Variants in IL1RAPL1 observed in about 807,000 individuals in gnomAD.
IL1RAPL1 encodes interleukin 1 receptor accessory protein like 1, also known as interleukin-1 receptor accessory protein-like 1.
IL1RAPL1 carries 3 observed loss-of-function variants against 48.4 expected under a neutral mutation model. The observed-to-expected ratio is 0.06, with a 90% CI of 0.03 to 0.16. The LOEUF (loss-of-function observed/expected upper bound fraction) is 0.16. Among genes scored for constraint, IL1RAPL1 ranks in the 10% least tolerant of loss-of-function variants. The pLI is 1.00. For missense variants in IL1RAPL1, 349 were observed against 530.6 expected (o/e 0.66, Z 3.36); for synonymous variants, 185 against 187.7 (o/e 0.99, Z 0.12).
At chrX:29,198,951 C>T (rs773085976) in intron 2 of IL1RAPL1, among the ~76,000 whole-genome samples, 17 of 111,836 alleles carry the variant, frequency 1.5e-4, no homozygotes, top group African/African-American at 5.5e-4. Flanking sequence ...TTGCGTTTTA[C>T]TCTCTTGCTT....
At chrX:28,634,425 A>AT (rs1330509575) in intron 1 of IL1RAPL1, among the ~76,000 whole-genome samples, 1 of 109,341 alleles carries the variant, frequency 9.1e-6, no homozygotes, top group Non-Finnish European at 1.9e-5. Flanking sequence ...ATATATACGT[A>AT]TGTATATATA....
At chrX:29,399,419 G>A (rs1348668457) in intron 5 of IL1RAPL1, 111 bp downstream of exon 5, 4 of 627,784 alleles carry the variant, frequency 6.4e-6, no homozygotes, top group Non-Finnish European at 1.0e-5. Context: ...ATAATCAAAT[G>A]CTAAGTGGAT....
intron 2 of IL1RAPL1, among the ~76,000 whole-genome samples, chrX:29,002,147 A>G (rs138945963): frequency 0.014 from 1,531 of 109,626 alleles, 32 homozygotes; most frequent in African/African-American, 0.048. Context: ...TGATCTGCCC[A>G]CCTTAGCCTC....
chrX:29,162,776 T>C (rs763609059), intron 2 of IL1RAPL1, among the ~76,000 whole-genome samples: 1 of 110,754 alleles, frequency 9.0e-6, no homozygotes, highest in South Asian at 3.8e-4. Context: ...AATATGGTAA[T>C]AGAAAAGTTC....
At position 29,562,044 on chromosome X, in the gene IL1RAPL1, C is replaced by CTATCTATT. The variant is rs1323331439; in HGVS notation, c.704-106379_704-106378insTTATCTAT. 3.2e-3 allele frequency among the ~76,000 whole-genome samples: 316 copies of CTATCTATT among 97,267 alleles called. 1 individual carries two copies. Among genetic ancestry groups the CTATCTATT allele is most frequent in the African/African-American group, 0.012 (304 of 25,351 alleles). The allele number at this position is 97,267 out of a possible 115,157, so 84.5% of individuals were successfully genotyped here. On this transcript the variant is annotated intron_variant, in intron 5 of 10. Coordinates refer to ENST00000378993, the MANE Select transcript of IL1RAPL1 (RefSeq NM_014271.4). Reference sequence around the variant, plus strand: ...CTTTTTCTTTTTCAATTCTATCTATCTATCTATCTATCTATCTATCTATCT... The same window carrying CTATCTATT: ...CTTTTTCTTTTTCAATTCTATCTATCTATCTATTTATCTATCTATCTATCTATCTATCT...
At chrX:29,921,172 G>A (rs138987028) in intron 8 of IL1RAPL1, among the ~76,000 whole-genome samples, 1,759 of 112,103 alleles carry the variant, frequency 0.016, 37 homozygotes, top group African/African-American at 0.054. Flanking sequence ...AGCCATTCCT[G>A]TTAGTAAAAT....
At position 28,788,594 on chromosome X, in the gene IL1RAPL1, G is replaced by A. The variant is rs925465675; in HGVS notation, c.-24-726G>A. The stretch of plus-strand genomic sequence containing the variant: ...CCATCCTCCTACATCAGCCTCCCAA[G>A]TAGCTGGGCCTACAGGTGCACTCCA... On this transcript the variant is annotated intron_variant, in intron 1 of 10. Coordinates refer to ENST00000378993, the MANE Select transcript of IL1RAPL1 (RefSeq NM_014271.4). Among the ~76,000 whole-genome samples the A allele has an allele frequency of 6.5e-5, 7 of 108,238 alleles. No homozygotes were observed. In the Admixed American group the frequency reaches 7.1e-4, roughly 11 times the overall value. The allele number at this position is 108,238 out of a possible 115,157, so 94.0% of individuals were successfully genotyped here.
chrX:28,822,430 C>T (rs756965835), intron 2 of IL1RAPL1, among the ~76,000 whole-genome samples: 1 of 111,667 alleles, frequency 9.0e-6, no homozygotes, highest in African/African-American at 3.3e-5. Flanking sequence ...GCTATCTGAC[C>T]TTTTATAGCA....
intron 2 of IL1RAPL1, among the ~76,000 whole-genome samples, chrX:29,213,327 C>T (rs752833518): frequency 8.0e-5 from 9 of 112,478 alleles, no homozygotes; most frequent in Non-Finnish European, 1.3e-4. Flanking sequence ...TCTCTATTCC[C>T]GATCTTCATC....
chrX:29,279,852 C>T (rs966663128), intron 2 of IL1RAPL1, among the ~76,000 whole-genome samples: 1 of 112,212 alleles, frequency 8.9e-6, no homozygotes, highest in Admixed American at 9.5e-5. Flanking sequence ...AACTCTCTCT[C>T]TATTCTCTTG....
intron 5 of IL1RAPL1, among the ~76,000 whole-genome samples, chrX:29,510,248 A>G (rs1935380125): frequency 8.9e-6 from 1 of 112,413 alleles, no homozygotes; most frequent in Non-Finnish European, 1.9e-5. Context: ...ATAGCTGTAA[A>G]GTATGTATCT....
chrX:29,279,325 A>G (rs1425765402), intron 2 of IL1RAPL1, among the ~76,000 whole-genome samples: 4 of 111,155 alleles, frequency 3.6e-5, no homozygotes, highest in Non-Finnish European at 7.6e-5. Context: ...AGTCCCAGCT[A>G]GTCAGGAGGC....
At chrX:28,800,847 T>TTTTATTTATTTATTTA (rs201705177) in intron 2 of IL1RAPL1, among the ~76,000 whole-genome samples, 8 of 93,709 alleles carry the variant, frequency 8.5e-5, no homozygotes, top group African/African-American at 1.2e-4. Flanking sequence ...ATTAAAGGGA[T>TTTTATTTATTTATTTA]TTTATTTATT....
rs1200980494 is a variant in IL1RAPL1, at chrX:28,659,203, G to A, written c.-25+71156G>A. On this transcript the variant is annotated intron_variant, in intron 1 of 10. Transcript: ENST00000378993. ...CCTCAGTTGCCTCCTGCAAAGCACC[G>A]ATAGCTGCACTCTGGAAGCGCAGAT... 6.6e-6 allele frequency: 5 copies of A among 753,436 alleles called. No homozygotes were observed. The Admixed American group carries it at 7.0e-5, about 10-fold the overall frequency. The allele number at this position is 753,436 out of a possible 1,213,427, so 62.1% of individuals were successfully genotyped here. A position where few individuals can be genotyped will look rare whatever the true frequency, so the allele number is the denominator to read the frequency against.
chrX:29,782,271 C>T (rs954790006), intron 6 of IL1RAPL1, among the ~76,000 whole-genome samples: 3 of 111,012 alleles, frequency 2.7e-5, no homozygotes, highest in East Asian at 2.8e-4. Context: ...GTAAAGACTG[C>T]GTTGAAGCAA....
intron 5 of IL1RAPL1, among the ~76,000 whole-genome samples, chrX:29,532,262 C>T (rs1602282631): frequency 9.0e-6 from 1 of 111,712 alleles, no homozygotes; most frequent in South Asian, 3.7e-4. Flanking sequence ...CTGAGTCTTC[C>T]AAGATTAGAG....
At chrX:29,331,500 A>G (rs1932885170) in intron 3 of IL1RAPL1, among the ~76,000 whole-genome samples, 1 of 111,862 alleles carries the variant, frequency 8.9e-6, no homozygotes, top group Non-Finnish European at 1.9e-5. Context: ...CTTGTCAGAG[A>G]AATATCTGCA....
At chrX:29,800,060 T>C (rs1929838509) in intron 6 of IL1RAPL1, among the ~76,000 whole-genome samples, 2 of 111,865 alleles carry the variant, frequency 1.8e-5, no homozygotes, top group Admixed American at 1.9e-4. Context: ...ATTATGTGCA[T>C]AGAGTGGACA....
chrX:29,812,063 G>A (rs1396774946), intron 6 of IL1RAPL1, among the ~76,000 whole-genome samples: 1 of 111,797 alleles, frequency 8.9e-6, no homozygotes, highest in Non-Finnish European at 1.9e-5. Context: ...CTTAAATGTT[G>A]TACAGTAAAA....
Sources: allele counts gnomAD v4.1 joint callset (sites outside exome capture counted in the v4.1 genomes callset), GRCh38; gene constraint gnomAD v4.1.1; transcripts MANE v1.5; gene names NCBI Gene and HGNC (gene_info 2026-07-23, HGNC 2026-07-21).